CYP4V2: variants seen among roughly 807,000 people sequenced by gnomAD.
CYP4V2 encodes cytochrome P450 4V2.
In CYP4V2, 55 loss-of-function variants were observed where a neutral mutation model predicts 60.8. That is an observed-to-expected ratio of 0.90 (90% CI 0.73 to 1.13). The LOEUF (loss-of-function observed/expected upper bound fraction) is 1.13. Among genes scored for constraint, CYP4V2 ranks in the 50% most tolerant of loss-of-function variants. CYP4V2 has a pLI of 0.00. For missense variants in CYP4V2, 675 were observed against 662.9 expected (o/e 1.02, Z -0.20); for synonymous variants, 239 against 236.8 (o/e 1.01, Z -0.08).
intron 7 of CYP4V2, chr4:186,204,851 A>G (rs1461829774): frequency 1.4e-5 from 5 of 367,114 alleles, no homozygotes; most frequent in Middle Eastern, 9.2e-4. Flanking sequence ...AAGGCAGAGA[A>G]GTACAGCCCT....
chr4:186,209,706 C>T (rs1351897200), intron 10 of CYP4V2, among the ~76,000 whole-genome samples: 1 of 152,128 alleles, frequency 6.6e-6, no homozygotes, highest in Non-Finnish European at 1.5e-5. Context: ...TAGGGCCTAC[C>T]CCAATGACCT....
At chr4:186,193,993 C>T (rs1307734711) in intron 1 of CYP4V2, among the ~76,000 whole-genome samples, 1 of 152,204 alleles carries the variant, frequency 6.6e-6, no homozygotes, top group Non-Finnish European at 1.5e-5. Context: ...CTCCCTGTCC[C>T]CTCTGTCAGA....
chr4:186,208,615 T>C (rs996625870), intron 8 of CYP4V2, among the ~76,000 whole-genome samples: 1 of 151,898 alleles, frequency 6.6e-6, no homozygotes, highest in Non-Finnish European at 1.5e-5. Flanking sequence ...TCCCCTGCCT[T>C]GGTCCACGTG....
Position 186,191,694 on chromosome 4 carries a change from C to A in CYP4V2, c.-130C>A. 1.1e-6 allele frequency: 1 copy of A among 872,194 alleles called. No homozygotes were observed. Among genetic ancestry groups the A allele is most frequent in the Non-Finnish European group, 1.5e-6 (1 of 669,688 alleles). 54.0% of individuals were successfully genotyped at this position (872,194 alleles called of 1,614,324 possible). ...GGGAAACGTCGTTCCGGGGACCGGG[C>A]GACCCCGCAGCGGGGAGCGCGCCAG... On this transcript the variant is annotated 5_prime_UTR_variant, in exon 1 of 11. Transcript: ENST00000378802.
intron 7 of CYP4V2, chr4:186,201,933 T>C (rs1181589530): frequency 6.5e-6 from 1 of 152,680 alleles, no homozygotes; most frequent in Non-Finnish European, 1.5e-5. Context: ...AAATAAAACA[T>C]GGTTTTTAGA....
At chr4:186,198,467 G>A (rs894536269) in intron 5 of CYP4V2, among the ~76,000 whole-genome samples, 7 of 152,188 alleles carry the variant, frequency 4.6e-5, no homozygotes, top group African/African-American at 1.7e-4. Context: ...GATCACATAG[G>A]GGTCTTTCTG....
In CYP4V2 at chr4:186,196,007, T is replaced by A. The variant is rs119103283; in HGVS notation, c.332T>A (p.Ile111Asn). The change falls in exon 3 of 11, where the codon ATT becomes AAT. Residue 111 changes from isoleucine to asparagine, a missense_variant. Physicochemically the swap from Ile to Asn is moderately radical, Grantham distance 149. Transcript: ENST00000378802. ...GTATGTTTTTCTCTTCCTAAGGTAA[T>A]TTTAACTAGTTCAAAGCAAATTGAC... Reference protein sequence around the residue: ...ALYNAENVEVILTSSKQIDKS... With the variant: ...ALYNAENVEVNLTSSKQIDKS... 1 of 1,611,658 alleles carries A rather than the reference T, an allele frequency of 6.2e-7. No individual in the cohort carries two copies. The highest frequency in any genetic ancestry group is 8.5e-7 in the Non-Finnish European group (1 of 1,177,848).
chr4:186,211,694 C>A lies in CYP4V2; in HGVS notation c.*1053C>A, dbSNP rs62348765. The stretch of plus-strand genomic sequence containing the variant: ...ACACACACACACACACACACACACA[C>A]ACATACACACATATAATTTGAAAGA... On this transcript the variant is annotated 3_prime_UTR_variant, in exon 11 of 11. Coordinates refer to ENST00000378802, the MANE Select transcript of CYP4V2 (RefSeq NM_207352.4). The A allele has an allele frequency of 4.5e-5, 1 of 22,280 alleles. No homozygotes were observed. The highest frequency in any genetic ancestry group is 7.3e-5 in the African/African-American group (1 of 13,658). 1.4% of individuals were successfully genotyped at this position (22,280 alleles called of 1,614,324 possible). A position where few individuals can be genotyped will look rare whatever the true frequency, so the allele number is the denominator to read the frequency against.
intron 8 of CYP4V2, 142 bp downstream of exon 8, chr4:186,205,444 C>CA: frequency 1.2e-6 from 1 of 846,688 alleles, no homozygotes; most frequent in East Asian, 2.6e-5. Context: ...AGGCCTCGTC[C>CA]ATTCACTCAC....
chr4:186,206,807 G>A (rs1247774356), intron 8 of CYP4V2, among the ~76,000 whole-genome samples: 2 of 152,136 alleles, frequency 1.3e-5, no homozygotes, highest in Non-Finnish European at 2.9e-5. Context: ...TTGCAGAATG[G>A]ACACCATCTA....
Position 186,207,470 on chromosome 4 carries a change from A to G in CYP4V2, c.1091-1395A>G, listed in dbSNP as rs189232697. Among the ~76,000 whole-genome samples, 187 of 147,778 alleles carry G rather than the reference A, an allele frequency of 1.3e-3. 1 individual carries two copies. Among genetic ancestry groups the G allele is most frequent in the African/African-American group, 4.5e-3 (182 of 40,776 alleles). On this transcript the variant is annotated intron_variant, in intron 8 of 10. Transcript: ENST00000378802. ...ACATTTGAGCAACTATTCTTTGTGT[A>G]GTGAGTTATTACTTTGCATTATTAA...
intron 6 of CYP4V2, among the ~76,000 whole-genome samples, chr4:186,200,306 A>C (rs1453099827): frequency 6.6e-6 from 1 of 152,152 alleles, no homozygotes; most frequent in Non-Finnish European, 1.5e-5. Flanking sequence ...AGAAGGTTGA[A>C]ATGTACAACC....
rs1736741931 is a variant in CYP4V2, at chr4:186,212,071, A to G, written c.*1430A>G. The G allele has an allele frequency of 6.6e-6, 1 of 152,214 alleles. No individual in the cohort carries two copies. The highest frequency in any genetic ancestry group is 1.5e-5 in the Non-Finnish European group (1 of 68,044). 9.4% of individuals were successfully genotyped at this position (152,214 alleles called of 1,614,324 possible). On this transcript the variant is annotated 3_prime_UTR_variant, in exon 11 of 11. Transcript: ENST00000378802. ...TCCTTTATATTATAAGTAAGGGAAT[A>G]GAATCAATAAGACAGTTTCTGCCCA...
intron 7 of CYP4V2, chr4:186,204,512 GGGCTCAGCT>G (rs1736438431): frequency 5.4e-6 from 1 of 184,384 alleles, no homozygotes; most frequent in South Asian, 8.5e-5. Context: ...GGAATGGCGT[GGGCTCAGCT>G]GGCTTTGTCA....
chr4:186,191,843 G>A lies in CYP4V2; in HGVS notation c.20G>A (p.Gly7Glu). The A allele has an allele frequency of 6.3e-7, 1 of 1,575,852 alleles. No individual in the cohort carries two copies. Among genetic ancestry groups the A allele is most frequent in the Non-Finnish European group, 8.6e-7 (1 of 1,167,052 alleles). Residue 7 changes from glycine (G) to glutamate (E), a missense_variant, in exon 1 of 11, where the codon GGG (glycine) becomes GAG (glutamate). Physicochemically the swap from Gly to Glu is moderately conservative, Grantham distance 98. Transcript: ENST00000378802. ...GGGGCGATGGCGGGGCTCTGGCTGG[G>A]GCTCGTGTGGCAGAAGCTGCTGCTG... Reference protein sequence around the residue: MAGLWLGLVWQKLLLWG... With the variant: MAGLWLELVWQKLLLWG...
At chr4:186,194,479 A>C (rs368058295) in intron 1 of CYP4V2, 21 bp from the exon 2 acceptor site, 1 of 1,601,804 alleles carries the variant, frequency 6.2e-7, no homozygotes, top group Non-Finnish European at 8.6e-7. Flanking sequence ...ATTGAATTTC[A>C]AATTTGATGT....
intron 7 of CYP4V2, chr4:186,201,546 G>A: frequency 1.8e-6 from 1 of 550,476 alleles, no homozygotes; most frequent in South Asian, 2.2e-5. Context: ...CTAGTGCTGG[G>A]CACAGCAGTA....
chr4:186,191,705 C>G lies in CYP4V2; in HGVS notation c.-119C>G. 5 of 985,014 alleles carry G rather than the reference C, an allele frequency of 5.1e-6. No homozygotes were observed. Among genetic ancestry groups the G allele is most frequent in the Non-Finnish European group, 6.5e-6 (5 of 764,538 alleles). The allele number at this position is 985,014 out of a possible 1,614,324, so 61.0% of individuals were successfully genotyped here. On this transcript the variant is annotated 5_prime_UTR_variant, in exon 1 of 11. Transcript: ENST00000378802. ...TTCCGGGGACCGGGCGACCCCGCAG[C>G]GGGGAGCGCGCCAGGTCCGCGCGGG...
intron 7 of CYP4V2, chr4:186,202,829 C>G (rs537856879): frequency 2.0e-5 from 3 of 151,542 alleles, no homozygotes; most frequent in Admixed American, 2.0e-4. Flanking sequence ...TACACACACA[C>G]CCAGATACTC....
Sources: gnomAD v4.1 joint callset for allele counts (sites outside exome capture counted in the v4.1 genomes callset) on GRCh38, gnomAD v4.1.1 for gene constraint, MANE v1.5 for transcripts, NCBI Gene and HGNC (gene_info 2026-07-23, HGNC 2026-07-21) for gene names.